Variants in MYH9 observed in about 807,000 individuals in gnomAD.
MYH9 encodes the protein myosin heavy chain 9.
In MYH9, 29 loss-of-function variants were observed where a neutral mutation model predicts 241.9. That is an observed-to-expected ratio of 0.12 (90% CI 0.09 to 0.16). The LOEUF is 0.16. Among genes scored for constraint, MYH9 ranks in the 10% least tolerant of loss-of-function variants. MYH9 has a pLI of 1.00. For synonymous variants in MYH9, 1,047 were observed against 1,062.6 expected (o/e 0.99, Z 0.29); for missense variants, 1,803 against 2,595.5 (o/e 0.69, Z 6.63).
In MYH9 at chr22:36,306,069, T is replaced by G; in HGVS notation, c.2038-18A>C. ...TTGCCGGCCTGGAGAAGAAAACACA[T>G]GCATGCGGTCTCACTTCCGTGCCTA... On this transcript the variant is annotated intron_variant, in intron 16 of 40. Transcript: ENST00000216181. This position sits in a 1 kb window ranked among gnomAD's most constrained non-coding sequence, Gnocchi z 4.1. 2 of 1,612,428 alleles carry G rather than the reference T, an allele frequency of 1.2e-6. No individual in the cohort carries two copies. Among genetic ancestry groups the G allele is most frequent in the South Asian group, 1.1e-5 (1 of 91,074 alleles).
intron 1 of MYH9, among the ~76,000 whole-genome samples, chr22:36,361,064 AGCCTCG>A (rs1268308971): frequency 1.3e-5 from 2 of 152,330 alleles, no homozygotes; most frequent in East Asian, 3.9e-4. Context: ...AACCTACAGC[AGCCTCG>A]ACCTAGGCCC....
intron 1 of MYH9, among the ~76,000 whole-genome samples, chr22:36,356,066 G>A (rs117824665): frequency 6.6e-5 from 10 of 152,228 alleles, no homozygotes; most frequent in East Asian, 3.9e-4. Flanking sequence ...CCTTGGGCAC[G>A]CCAAGGCTTC....
In MYH9 at chr22:36,295,347, G is replaced by A. The variant is rs201126268; in HGVS notation, c.3485+158C>T. The stretch of plus-strand genomic sequence containing the variant: ...CAACAGACTTTCTACTCTGTAGAGA[G>A]AAACCGCTGAGGAACCAGCAGCTTC... On this transcript the variant is annotated intron_variant, in intron 26 of 40. Coordinates refer to ENST00000216181, the MANE Select transcript of MYH9 (RefSeq NM_002473.6). This position sits in a 1 kb window ranked among gnomAD's most constrained non-coding sequence, Gnocchi z 4.1. Among the ~76,000 whole-genome samples, 2 of 151,700 alleles carry A rather than the reference G, an allele frequency of 1.3e-5. No homozygotes were observed. Among genetic ancestry groups the A allele is most frequent in the South Asian group, 4.2e-4 (2 of 4,774 alleles).
intron 6 of MYH9, 133 bp downstream of exon 6, chr22:36,322,296 C>T (rs993912941): frequency 8.9e-6 from 9 of 1,016,244 alleles, no homozygotes; most frequent in African/African-American, 7.9e-5. Flanking sequence ...CTAGTCCACA[C>T]GACAGGCCAG....
At chr22:36,287,021 C>G in intron 34 of MYH9, 175 bp from the exon 35 acceptor site, 1 of 817,936 alleles carries the variant, frequency 1.2e-6, no homozygotes, top group Non-Finnish European at 2.0e-6. Flanking sequence ...TCTGTGTATC[C>G]CACCCCGTAA....
At chr22:36,363,289 G>A (rs1238187399) in intron 1 of MYH9, among the ~76,000 whole-genome samples, 1 of 152,190 alleles carries the variant, frequency 6.6e-6, no homozygotes, top group Non-Finnish European at 1.5e-5. Flanking sequence ...GAACTCTCTA[G>A]AGGCAGGAAC....
At chr22:36,356,571 A>G (rs564927412) in intron 1 of MYH9, among the ~76,000 whole-genome samples, 4 of 123,374 alleles carry the variant, frequency 3.2e-5, no homozygotes, top group Admixed American at 2.9e-4. Flanking sequence ...ACAGAGTGAG[A>G]CTCCATCTCA....
At position 36,326,637 on chromosome 22, in the gene MYH9, C is replaced by T. The variant is rs146514663; in HGVS notation, c.543G>A (p.Thr181=). 1.0e-4 allele frequency: 169 copies of T among 1,614,202 alleles called. No homozygotes were observed. Among genetic ancestry groups the T allele is most frequent in the Middle Eastern group, 3.3e-4 (2 of 6,062 alleles). Residue 181 remains threonine (T), a synonymous_variant, in exon 5 of 41, where the codon ACG becomes ACA. Transcript: ENST00000216181. Reference sequence around the variant, plus strand: ...ACTGGATGACCTTCTTGGTGTTCTCCGTCTTGCCAGCTCCAGATTCACCAC... The same window carrying T: ...ACTGGATGACCTTCTTGGTGTTCTCTGTCTTGCCAGCTCCAGATTCACCAC... ...LCTGESGAGK[T]ENTKKVIQYL... is the part of the protein sequence containing the mutation.
chr22:36,286,320 A>G (rs529923428), intron 35 of MYH9, among the ~76,000 whole-genome samples: 1 of 152,164 alleles, frequency 6.6e-6, no homozygotes, highest in South Asian at 2.1e-4. Context: ...GCAGATGGCT[A>G]CACCCTGGAC....
chr22:36,352,974 G>A (rs2146396850), intron 1 of MYH9, among the ~76,000 whole-genome samples: 1 of 152,284 alleles, frequency 6.6e-6, no homozygotes, highest in Admixed American at 6.5e-5. Flanking sequence ...GCAAAGGTCA[G>A]GATAAACAGT....
In MYH9 at chr22:36,293,146, G is replaced by A. The variant is rs1428711771; in HGVS notation, c.4095+183C>T. The stretch of plus-strand genomic sequence containing the variant: ...GAAAATAGTGGTGTCCCCCATCTAA[G>A]TCCACAGATCCCTGGATTCCTTTCC... On this transcript the variant is annotated intron_variant, in intron 30 of 40. Transcript: ENST00000216181. This position sits in a 1 kb window ranked among gnomAD's most constrained non-coding sequence, Gnocchi z 5.1. 6.6e-6 allele frequency among the ~76,000 whole-genome samples: 1 copy of A among 152,274 alleles called. No individual in the cohort carries two copies. The highest frequency in any genetic ancestry group is 1.5e-5 in the Non-Finnish European group (1 of 68,050).
At chr22:36,290,435 A>G (rs917375257) in intron 31 of MYH9, among the ~76,000 whole-genome samples, 4 of 151,936 alleles carry the variant, frequency 2.6e-5, no homozygotes, top group Non-Finnish European at 4.4e-5. Context: ...AATTAAAGTG[A>G]TTTTAACTCA....
At position 36,284,103 on chromosome 22, in the gene MYH9, T is replaced by C; in HGVS notation, c.5755A>G (p.Asn1919Asp). The C allele has an allele frequency of 6.2e-7, 1 of 1,614,164 alleles. No homozygotes were observed. The highest frequency in any genetic ancestry group is 8.5e-7 in the Non-Finnish European group (1 of 1,180,004). Residue 1919 changes from asparagine (N) to aspartate (D), a missense_variant, in exon 40 of 41, where the codon AAC (asparagine) becomes GAC (aspartate). Physicochemically the swap from Asn to Asp is conservative, Grantham distance 23 (BLOSUM62 1). Coordinates refer to ENST00000216181, the MANE Select transcript of MYH9 (RefSeq NM_002473.6). ...AMNREVSSLK[N>D]KLRRGDLPFV... ...GGCAGGGCGGCTCACCTGAGCTTGT[T>C]CTTTAGGGAGCTGACTTCGCGGTTC... is the stretch of plus-strand genomic sequence containing the variant.
At position 36,282,248 on chromosome 22, in the gene MYH9, G is replaced by T; in HGVS notation, c.*420C>A. 1 of 370,478 alleles carries T rather than the reference G, an allele frequency of 2.7e-6. No homozygotes were observed. Among genetic ancestry groups the T allele is most frequent in the Non-Finnish European group, 5.0e-6 (1 of 198,280 alleles). The allele number at this position is 370,478 out of a possible 1,614,324, so 22.9% of individuals were successfully genotyped here. ...AGGAGTGGGGGCGCTGGTGGCAGAC[G>T]TCAGGGAGGCTGACGACTGCGGGGG... On this transcript the variant is annotated 3_prime_UTR_variant, in exon 41 of 41. Transcript: ENST00000216181.
At chr22:36,378,815 G>T (rs191731169) in intron 1 of MYH9, among the ~76,000 whole-genome samples, 5 of 151,980 alleles carry the variant, frequency 3.3e-5, no homozygotes, top group African/African-American at 1.2e-4. Flanking sequence ...GCTAAACAGG[G>T]CATAAACATC....
At chr22:36,307,181 A>G (rs937303545) in intron 15 of MYH9, among the ~76,000 whole-genome samples, 5 of 152,204 alleles carry the variant, frequency 3.3e-5, no homozygotes, top group African/African-American at 1.2e-4. Flanking sequence ...GGAGAGCTCC[A>G]AAGAACTGCT....
At chr22:36,366,516 G>A (rs576761628) in intron 1 of MYH9, among the ~76,000 whole-genome samples, 2 of 152,260 alleles carry the variant, frequency 1.3e-5, no homozygotes, top group African/African-American at 2.4e-5. Context: ...GAAGGGTCAC[G>A]CGGCCCCTCC....
At chr22:36,308,722 G>GA (rs67932470) in intron 15 of MYH9, 1 of 769,182 alleles carries the variant, frequency 1.3e-6, no homozygotes, top group Admixed American at 6.4e-5. Flanking sequence ...GCAAGGGGGG[G>GA]CGCGAGAAAA....
chr22:36,333,009 C>G (rs1740294261), intron 3 of MYH9, among the ~76,000 whole-genome samples: 1 of 152,140 alleles, frequency 6.6e-6, no homozygotes, highest in Non-Finnish European at 1.5e-5. Context: ...TAACATTTCC[C>G]TTGCGAAAAG....
Sources: allele counts gnomAD v4.1 joint callset (sites outside exome capture counted in the v4.1 genomes callset), GRCh38; gene constraint gnomAD v4.1.1; non-coding constraint Gnocchi (gnomAD v3.1); transcripts MANE v1.5; gene names NCBI Gene and HGNC (gene_info 2026-07-23, HGNC 2026-07-21).